The following SH3D19 variants were observed in gnomAD, a reference collection of about 807,000 sequenced individuals.
SH3D19 encodes the protein SH3 domain-containing protein 19.
In SH3D19, 58 loss-of-function variants were observed where a neutral mutation model predicts 112.1. The ratio of observed to expected loss-of-function variants is 0.52; its 90% confidence interval spans 0.42 to 0.64. SH3D19 has a LOEUF of 0.64. Among genes scored for constraint, SH3D19 ranks in the 30% least tolerant of loss-of-function variants. SH3D19 has a pLI of 0.00. For missense variants in SH3D19, 1,090 were observed against 1,263.4 expected (o/e 0.86, Z 2.08); for synonymous variants, 391 against 448.5 (o/e 0.87, Z 1.62).
intron 12 of SH3D19, 117 bp from the exon 13 acceptor site, chr4:151,139,964 G>A (rs1752695138): frequency 1.3e-6 from 1 of 761,020 alleles, no homozygotes; most frequent in Non-Finnish European, 2.2e-6. Flanking sequence ...ATTACATTAT[G>A]AGTACATGAT....
chr4:151,161,023 G>A (rs1344908298), intron 8 of SH3D19, among the ~76,000 whole-genome samples: 1 of 152,124 alleles, frequency 6.6e-6, no homozygotes, highest in Non-Finnish European at 1.5e-5. Flanking sequence ...ATATTTAAGA[G>A]TATAAGCCAG....
chr4:151,321,428 T>C (rs145251210), intron 1 of SH3D19, among the ~76,000 whole-genome samples: 154 of 152,202 alleles, frequency 1.0e-3, no homozygotes, highest in Non-Finnish European at 1.9e-3. Context: ...AGATGAAGAA[T>C]ATGCAATCAA....
chr4:151,179,197 T>A (rs1199555769), intron 4 of SH3D19, among the ~76,000 whole-genome samples, 158 bp downstream of exon 4: 1 of 152,234 alleles, frequency 6.6e-6, no homozygotes, highest in Non-Finnish European at 1.5e-5. Context: ...AGCAAAATCA[T>A]CTTTCAAACT....
intron 1 of SH3D19, chr4:151,228,115 C>T: frequency 1.2e-6 from 1 of 820,038 alleles, no homozygotes; most frequent in Non-Finnish European, 1.5e-6. Context: ...CAAATGTCTT[C>T]TCATAGCACT....
chr4:151,160,114 T>G (rs1756884417), intron 8 of SH3D19, among the ~76,000 whole-genome samples: 1 of 147,788 alleles, frequency 6.8e-6, no homozygotes, highest in Non-Finnish European at 1.5e-5. Flanking sequence ...TGAGATGGAG[T>G]CTCGCTCTGT....
chr4:151,299,505 C>G (rs6845400), intron 1 of SH3D19, among the ~76,000 whole-genome samples: 132,833 of 150,758 alleles, frequency 0.88, 59,183 homozygotes, highest in Non-Finnish European at 0.96. Flanking sequence ...GCTTGAACCT[C>G]GGAGGCGGAG....
chr4:151,149,785 T>C (rs1754590353), intron 9 of SH3D19, among the ~76,000 whole-genome samples: 1 of 152,180 alleles, frequency 6.6e-6, no homozygotes, highest in Non-Finnish European at 1.5e-5. Flanking sequence ...GAAACCAGTC[T>C]CCTGTTGTGG....
At chr4:151,301,306 C>A (rs1728392256) in intron 1 of SH3D19, among the ~76,000 whole-genome samples, 1 of 152,262 alleles carries the variant, frequency 6.6e-6, no homozygotes, top group African/African-American at 2.4e-5. Flanking sequence ...CGGCTCACCA[C>A]AACCTCCACC....
chr4:151,250,921 C>CGATG (rs2149977342), intron 1 of SH3D19, among the ~76,000 whole-genome samples: 1 of 152,254 alleles, frequency 6.6e-6, no homozygotes, highest in African/African-American at 2.4e-5. Context: ...GACTGTTGGC[C>CGATG]GATGGATCCA....
intron 2 of SH3D19, 104 bp downstream of exon 2, chr4:151,225,943 T>C: frequency 2.8e-6 from 2 of 707,640 alleles, no homozygotes; most frequent in African/African-American, 3.6e-5. Flanking sequence ...CTACAGAAGA[T>C]TCCAATAGAC....
intron 14 of SH3D19, among the ~76,000 whole-genome samples, 165 bp from the exon 15 acceptor site, chr4:151,135,297 A>T (rs1296079375): frequency 6.6e-6 from 1 of 151,996 alleles, no homozygotes; most frequent in Non-Finnish European, 1.5e-5. Flanking sequence ...ACAAATCCTG[A>T]ATTTGGATTA....
intron 1 of SH3D19, among the ~76,000 whole-genome samples, chr4:151,264,349 G>A (rs947214514): frequency 2.8e-5 from 4 of 141,936 alleles, no homozygotes; most frequent in Non-Finnish European, 4.5e-5. Flanking sequence ...GGGGAGAATC[G>A]CTTGAACCTG....
intron 1 of SH3D19, among the ~76,000 whole-genome samples, chr4:151,273,423 T>C (rs1207108976): frequency 6.6e-6 from 1 of 151,614 alleles, no homozygotes; most frequent in Non-Finnish European, 1.5e-5. Context: ...AACCCGTCTC[T>C]ACTAAAAATA....
At chr4:151,279,124 A>C in intron 1 of SH3D19, 1 of 437,932 alleles carries the variant, frequency 2.3e-6, no homozygotes, top group Non-Finnish European at 4.5e-6. Flanking sequence ...CTGACCTGCC[A>C]AGGCCAGCAC....
At chr4:151,176,418 G>A (rs1375840908) in intron 6 of SH3D19, 116 bp downstream of exon 6, 3 of 732,914 alleles carry the variant, frequency 4.1e-6, no homozygotes, top group Non-Finnish European at 5.6e-6. Flanking sequence ...ACACTGACTG[G>A]GCAGCAGAGC....
At chr4:151,244,956 A>G (rs1295355675) in intron 1 of SH3D19, among the ~76,000 whole-genome samples, 2 of 152,154 alleles carry the variant, frequency 1.3e-5, no homozygotes, top group African/African-American at 4.8e-5. Context: ...CATCCTGGCT[A>G]ACACGGTGAA....
chr4:151,137,932 G>A, intron 13 of SH3D19, 70 bp from the exon 14 acceptor site: 1 of 1,345,070 alleles, frequency 7.4e-7, no homozygotes, highest in Non-Finnish European at 1.0e-6. Context: ...GCACAAAGTA[G>A]CATTTAGTTG....
At chr4:151,282,032 G>A (rs1774284490) in intron 1 of SH3D19, 4 of 1,027,262 alleles carry the variant, frequency 3.9e-6, no homozygotes, top group Non-Finnish European at 5.8e-6. Flanking sequence ...GAAGCACCAT[G>A]GTTAATTCCC....
intron 1 of SH3D19, among the ~76,000 whole-genome samples, chr4:151,253,834 G>A (rs899022115): frequency 2.0e-5 from 3 of 152,068 alleles, no homozygotes; most frequent in Non-Finnish European, 4.4e-5. Context: ...ACCTCTACGA[G>A]GACAGAGGCT....
Sources: allele counts gnomAD v4.1 joint callset (sites outside exome capture counted in the v4.1 genomes callset), GRCh38; gene constraint gnomAD v4.1.1; transcripts MANE v1.5; gene names NCBI Gene and HGNC (gene_info 2026-07-23, HGNC 2026-07-21).